Variants in COBL observed in about 807,000 individuals in gnomAD.
The protein encoded by COBL is protein cordon-bleu.
In COBL, 51 loss-of-function variants were observed where a neutral mutation model predicts 98.8. The ratio of observed to expected loss-of-function variants is 0.52; its 90% confidence interval spans 0.41 to 0.65. The LOEUF (loss-of-function observed/expected upper bound fraction) is 0.65, where lower values mean the gene tolerates loss of function less well. Ranked by LOEUF, COBL falls within the 30% of genes least tolerant of loss-of-function variation. The pLI is 0.00. For synonymous variants in COBL, 634 were observed against 651.7 expected (o/e 0.97, Z 0.41); for missense variants, 1,617 against 1,617.5 (o/e 1.00, Z 0.01).
At chr7:51,026,787 A>G in intron 10 of COBL, 122 bp from the exon 11 acceptor site, 1 of 1,207,930 alleles carries the variant, frequency 8.3e-7, no homozygotes, top group Non-Finnish European at 1.1e-6. Flanking sequence ...AATCCCATCT[A>G]CTCGGGAGGC....
intron 8 of COBL, among the ~76,000 whole-genome samples, chr7:51,039,304 G>A (rs546366086): frequency 6.6e-6 from 1 of 152,326 alleles, no homozygotes; most frequent in African/African-American, 2.4e-5. Context: ...CAAGGTTAGG[G>A]CCACATCCCT....
intron 1 of COBL, among the ~76,000 whole-genome samples, chr7:51,304,509 G>A (rs2129207772): frequency 6.6e-6 from 1 of 152,286 alleles, no homozygotes; most frequent in Non-Finnish European, 1.5e-5. Context: ...GATCCCTTCT[G>A]ATCATTAGAA....
chr7:51,136,374 T>G, intron 5 of COBL, 43 bp from the exon 6 acceptor site: 1 of 1,574,406 alleles, frequency 6.4e-7, no homozygotes, highest in Non-Finnish European at 8.6e-7. Flanking sequence ...CAGTATGAGA[T>G]GACTTCTCCC....
At chr7:51,059,844 T>C (rs1791145042) in intron 7 of COBL, among the ~76,000 whole-genome samples, 1 of 152,182 alleles carries the variant, frequency 6.6e-6, no homozygotes, top group African/African-American at 2.4e-5. Context: ...GGATCTGAAG[T>C]TTTTCTACTT....
intron 6 of COBL, among the ~76,000 whole-genome samples, chr7:51,099,088 T>G (rs1795573000): frequency 7.0e-6 from 1 of 143,362 alleles, no homozygotes; most frequent in African/African-American, 2.6e-5. Context: ...GGATGGCCAC[T>G]ATCAAAAAAA....
intron 6 of COBL, among the ~76,000 whole-genome samples, chr7:51,125,732 A>T (rs1240942325): frequency 6.6e-6 from 1 of 152,116 alleles, no homozygotes; most frequent in Non-Finnish European, 1.5e-5. Context: ...CCACATATTC[A>T]TAGCTCTCTT....
intron 5 of COBL, among the ~76,000 whole-genome samples, chr7:51,180,731 A>G (rs928953096): frequency 6.6e-6 from 1 of 152,088 alleles, no homozygotes; most frequent in African/African-American, 2.4e-5. Flanking sequence ...TTTGCCCACA[A>G]TTTGGACTGA....
intron 6 of COBL, among the ~76,000 whole-genome samples, chr7:51,088,492 T>C (rs1275231023): frequency 2.6e-5 from 4 of 152,080 alleles, no homozygotes; most frequent in African/African-American, 9.7e-5. Context: ...CTGGATACCA[T>C]AGCTTCTCTT....
chr7:51,029,914 T>C (rs113851285), intron 9 of COBL, among the ~76,000 whole-genome samples: 5,513 of 152,196 alleles, frequency 0.036, 344 homozygotes, highest in African/African-American at 0.13. Flanking sequence ...AACATGAAAA[T>C]GAGTTTTGGG....
At chr7:51,253,780 A>G (rs1796954033) in intron 1 of COBL, among the ~76,000 whole-genome samples, 2 of 152,248 alleles carry the variant, frequency 1.3e-5, no homozygotes, top group Admixed American at 6.5e-5. Context: ...TGTTCTTAAA[A>G]TATGTTCCAA....
chr7:51,295,355 C>A (rs182096558), intron 1 of COBL, among the ~76,000 whole-genome samples: 30 of 150,432 alleles, frequency 2.0e-4, no homozygotes, highest in African/African-American at 6.6e-4. Context: ...TGTATACCTA[C>A]ATAAAAAACC....
intron 6 of COBL, among the ~76,000 whole-genome samples, chr7:51,111,063 T>G (rs570142295): frequency 7.9e-5 from 12 of 152,314 alleles, no homozygotes; most frequent in African/African-American, 2.9e-4. Context: ...AGTAGTGGGA[T>G]TGCTGGATCA....
At chr7:51,046,065 T>TG (rs60937486) in intron 7 of COBL, among the ~76,000 whole-genome samples, 17 of 150,944 alleles carry the variant, frequency 1.1e-4, no homozygotes, top group African/African-American at 1.5e-4. Flanking sequence ...CAGGTGGGGG[T>TG]GGGGGGGCCT....
At position 51,085,242 on chromosome 7, in the gene COBL, T is replaced by A. The variant is rs1583732789; in HGVS notation, c.1020A>T (p.Pro340=). 1.2e-6 allele frequency: 2 copies of A among 1,613,542 alleles called. No individual in the cohort carries two copies. Among genetic ancestry groups the A allele is most frequent in the East Asian group, 4.5e-5 (2 of 44,848 alleles). ...GGGGACTCGGTGGTGGTGGCTGTGG[T>A]GGAGGGGGAGCTGGCGCTCGCCGCT... ...KKKRRAPAPP[P]PQPPPPSPLI... is the part of the protein sequence containing the mutation. The change falls in exon 7 of 13, where the codon CCA becomes CCT. Residue 340 remains proline (P), a synonymous_variant. Coordinates refer to ENST00000265136, the MANE Select transcript of COBL (RefSeq NM_015198.5).
Position 51,058,554 on chromosome 7 carries a change from AAACAACAACAAC to A in COBL, c.1097-14874_1097-14863del, listed in dbSNP as rs57660073. Among the ~76,000 whole-genome samples, 15 of 150,164 alleles carry A rather than the reference AAACAACAACAAC, an allele frequency of 1.0e-4. No individual in the cohort carries two copies. In the South Asian group the frequency reaches 1.5e-3, roughly 15 times the overall value. On this transcript the variant is annotated intron_variant, in intron 7 of 12. Coordinates refer to ENST00000265136, the MANE Select transcript of COBL (RefSeq NM_015198.5). ...GGTGACAGAGCAAGACCATGTCTCA[AAACAACAACAAC>A]AACAACAACAACAACAACAACACAA...
chr7:51,283,191 C>A (rs1397141278), intron 1 of COBL, among the ~76,000 whole-genome samples: 2 of 151,960 alleles, frequency 1.3e-5, no homozygotes, highest in African/African-American at 4.8e-5. Flanking sequence ...CAATAGAAAA[C>A]AATGACCACA....
At chr7:51,284,624 C>A (rs1384161137) in intron 1 of COBL, among the ~76,000 whole-genome samples, 1 of 151,608 alleles carries the variant, frequency 6.6e-6, no homozygotes, top group Non-Finnish European at 1.5e-5. Flanking sequence ...GTCAGGAGTT[C>A]GAGACCAGCC....
intron 1 of COBL, among the ~76,000 whole-genome samples, chr7:51,272,460 T>C (rs1017577440): frequency 2.6e-5 from 4 of 152,186 alleles, no homozygotes; most frequent in Non-Finnish European, 5.9e-5. Context: ...ACAAAATAGT[T>C]AAAATTAGAA....
chr7:51,057,324 G>A lies in COBL; in HGVS notation c.1097-13632C>T, dbSNP rs200629982. 1.3e-4 allele frequency among the ~76,000 whole-genome samples: 17 copies of A among 133,032 alleles called. No individual in the cohort carries two copies. In the East Asian group the frequency reaches 3.8e-3, roughly 30 times the overall value. The allele number at this position is 133,032 out of a possible 152,430, so 87.3% of individuals were successfully genotyped here. ...AAACAGTATATATATATGCGTGCAC[G>A]CACACACATACACACACACACACAC... On this transcript the variant is annotated intron_variant, in intron 7 of 12. Transcript: ENST00000265136.
Sources: allele counts gnomAD v4.1 joint callset (sites outside exome capture counted in the v4.1 genomes callset), GRCh38; gene constraint gnomAD v4.1.1; transcripts MANE v1.5; gene names NCBI Gene and HGNC (gene_info 2026-07-23, HGNC 2026-07-21).